DAW1: variants seen among roughly 807,000 people sequenced by gnomAD.
DAW1 encodes dynein assembly factor with WD repeat domains 1.
A neutral mutation model predicts 56.5 loss-of-function variants in DAW1; 47 were observed. The ratio of observed to expected loss-of-function variants is 0.83; its 90% CI spans 0.66 to 1.06. The LOEUF (loss-of-function observed/expected upper bound fraction) is 1.06, where lower values mean the gene tolerates loss of function less well. DAW1 is among the 50% of genes least tolerant of loss of function. The pLI is 0.00. For missense variants in DAW1, 505 were observed against 499.3 expected (o/e 1.01, Z -0.11); for synonymous variants, 190 against 179.0 (o/e 1.06, Z -0.49).
In DAW1 at chr2:227,903,010, A is replaced by G. The variant is rs1458048382; in HGVS notation, c.549A>G (p.Leu183=). Residue 183 remains leucine (L), a synonymous_variant, in exon 7 of 13, where the codon TTA becomes TTG. Transcript: ENST00000309931. ...FRGHTAEIVC[L]SFNPQSTLVA... ...CATTTTATGTAATTTAGGTGTGTTT[A>G]TCATTTAACCCTCAAAGCACATTGG... is the stretch of plus-strand genomic sequence containing the variant. 6 of 1,613,994 alleles carry G rather than the reference A, an allele frequency of 3.7e-6. No individual in the cohort carries two copies. The highest frequency in any genetic ancestry group is 5.1e-6 in the Non-Finnish European group (6 of 1,180,006).
At chr2:227,917,423 G>C (rs902904605) in intron 10 of DAW1, among the ~76,000 whole-genome samples, 25 of 151,954 alleles carry the variant, frequency 1.6e-4, no homozygotes, top group Non-Finnish European at 7.4e-5. Context: ...ACCGCACCCG[G>C]CTAATTTGTT....
At chr2:227,883,736 T>C (rs1305600856) in intron 1 of DAW1, among the ~76,000 whole-genome samples, 2 of 152,242 alleles carry the variant, frequency 1.3e-5, no homozygotes, top group African/African-American at 4.8e-5. Flanking sequence ...TTAAGCCAGA[T>C]ATTAGAGATT....
In DAW1 at chr2:227,893,825, C is replaced by A; in HGVS notation, c.348C>A (p.Cys116Ter). The part of the protein sequence containing the change: ...CFITGSYDRT[C>*]KLWDTASGEE... ...TCACAGGAAGCTATGATCGGACGTG[C>A]AAGCTCTGGGACACTGCGTCTGGAG... is the stretch of plus-strand genomic sequence containing the variant. The change falls in exon 5 of 13, where the codon TGC (cysteine) becomes TGA (stop). Residue 116 changes from cysteine to a stop codon, truncating the protein, a stop_gained. Coordinates refer to ENST00000309931, the MANE Select transcript of DAW1 (RefSeq NM_178821.3). LOFTEE classifies it high-confidence loss of function. 1 of 1,613,604 alleles carries A rather than the reference C, an allele frequency of 6.2e-7. No individual in the cohort carries two copies. The highest frequency in any genetic ancestry group is 8.5e-7 in the Non-Finnish European group (1 of 1,179,772).
chr2:227,878,807 T>A (rs1015997640), intron 1 of DAW1, among the ~76,000 whole-genome samples: 5 of 128,014 alleles, frequency 3.9e-5, no homozygotes, highest in Admixed American at 2.8e-4. Flanking sequence ...AATTTAAATT[T>A]AATTTTTTTT....
At chr2:227,891,207 A>G (rs757585157) in intron 3 of DAW1, 48 bp from the exon 4 acceptor site, 3 of 1,549,358 alleles carry the variant, frequency 1.9e-6, no homozygotes, top group Admixed American at 3.6e-5. Context: ...ATAACTAACA[A>G]ATTTAATTTG....
intron 10 of DAW1, among the ~76,000 whole-genome samples, chr2:227,916,821 A>G (rs1691962285): frequency 1.3e-5 from 2 of 152,140 alleles, no homozygotes; most frequent in South Asian, 4.1e-4. Flanking sequence ...TTAAATCCTC[A>G]TATGATGTAC....
intron 10 of DAW1, among the ~76,000 whole-genome samples, chr2:227,916,440 A>G (rs1411660744): frequency 6.6e-6 from 1 of 152,108 alleles, no homozygotes; most frequent in Non-Finnish European, 1.5e-5. Flanking sequence ...GTAACTATGT[A>G]TGATGTTTAA....
intron 12 of DAW1, among the ~76,000 whole-genome samples, chr2:227,923,276 C>A (rs1339339962): frequency 6.6e-6 from 1 of 152,156 alleles, no homozygotes; most frequent in African/African-American, 2.4e-5. Flanking sequence ...AAACTGCAGG[C>A]ATTTTGTAGT....
At chr2:227,872,643 A>G (rs1033381938) in intron 1 of DAW1, among the ~76,000 whole-genome samples, 1 of 152,074 alleles carries the variant, frequency 6.6e-6, no homozygotes, top group Non-Finnish European at 1.5e-5. Flanking sequence ...CCAGAAACCT[A>G]GGTGGTCACT....
At chr2:227,877,589 C>T (rs774555178) in intron 1 of DAW1, among the ~76,000 whole-genome samples, 1 of 152,230 alleles carries the variant, frequency 6.6e-6, no homozygotes, top group Non-Finnish European at 1.5e-5. Context: ...GGACTGGTTT[C>T]ATGGAAGACA....
At chr2:227,902,875 A>T (rs1298137808) in intron 6 of DAW1, 127 bp from the exon 7 acceptor site, 7 of 926,688 alleles carry the variant, frequency 7.6e-6, no homozygotes, top group Middle Eastern at 2.2e-4. Context: ...GGTCACACAT[A>T]CGTGGGGTTT....
intron 10 of DAW1, among the ~76,000 whole-genome samples, chr2:227,915,583 A>G (rs1249328330): frequency 6.6e-6 from 1 of 152,102 alleles, no homozygotes; most frequent in Non-Finnish European, 1.5e-5. Context: ...CTCCTTGACA[A>G]TAACCTCTGA....
chr2:227,876,173 G>T (rs182765276), intron 1 of DAW1, among the ~76,000 whole-genome samples: 26 of 152,176 alleles, frequency 1.7e-4, no homozygotes, highest in African/African-American at 6.0e-4. Flanking sequence ...CCGCCAGTAC[G>T]CCAGGCTAAT....
intron 10 of DAW1, among the ~76,000 whole-genome samples, chr2:227,912,867 A>T (rs1024847398): frequency 2.6e-5 from 4 of 152,028 alleles, no homozygotes; most frequent in African/African-American, 9.7e-5. Context: ...CTACACTATC[A>T]CTCCAAATTT....
At chr2:227,904,547 T>C (rs1691632076) in intron 7 of DAW1, among the ~76,000 whole-genome samples, 1 of 152,242 alleles carries the variant, frequency 6.6e-6, no homozygotes, top group Non-Finnish European at 1.5e-5. Flanking sequence ...CATGTGTTAT[T>C]AGCCCATGGC....
chr2:227,914,266 A>C (rs989116254), intron 10 of DAW1, among the ~76,000 whole-genome samples: 1 of 152,026 alleles, frequency 6.6e-6, no homozygotes, highest in East Asian at 1.9e-4. Flanking sequence ...TCTGACCATA[A>C]TGTATGATGC....
At chr2:227,922,169 T>G (rs1692125410) in intron 12 of DAW1, among the ~76,000 whole-genome samples, 1 of 152,094 alleles carries the variant, frequency 6.6e-6, no homozygotes, top group African/African-American at 2.4e-5. Context: ...AAAGTTGAGT[T>G]TATGTCAGTA....
At chr2:227,876,359 A>G in intron 1 of DAW1, 1 of 1,112,006 alleles carries the variant, frequency 9.0e-7, no homozygotes, top group South Asian at 1.5e-5. Context: ...CTCTTGACTC[A>G]TGTTTGCGAC....
intron 1 of DAW1, chr2:227,872,209 G>C (rs1690767706): frequency 6.8e-6 from 1 of 146,648 alleles, no homozygotes; most frequent in East Asian, 2.0e-4. Flanking sequence ...GCTTCTTAGG[G>C]ACAGAAATAG....
Sources: gnomAD v4.1 joint callset for allele counts (sites outside exome capture counted in the v4.1 genomes callset) on GRCh38, gnomAD v4.1.1 for gene constraint, MANE v1.5 for transcripts, NCBI Gene and HGNC (gene_info 2026-07-23, HGNC 2026-07-21) for gene names.